The following SMTN variants were observed in gnomAD, a reference collection of about 807,000 sequenced individuals.
SMTN encodes the protein smoothelin.
SMTN carries 58 observed loss-of-function variants against 102.0 expected under a neutral mutation model. The ratio of observed to expected loss-of-function variants is 0.57; its 90% CI spans 0.46 to 0.71. SMTN has a LOEUF of 0.71. Among genes scored for constraint, SMTN ranks in the 30% least tolerant of loss-of-function variants. The probability of loss-of-function intolerance (pLI) is 0.00; values close to 1 mark genes in which losing one functional copy is unlikely to be tolerated. For synonymous variants in SMTN, 478 were observed against 497.9 expected (o/e 0.96, Z 0.53); for missense variants, 1,185 against 1,241.7 (o/e 0.95, Z 0.69).
intron 1 of SMTN, 148 bp from the exon 2 acceptor site, chr22:31,083,031 C>T (rs2042415655): frequency 7.2e-7 from 1 of 1,395,200 alleles, no homozygotes; most frequent in Non-Finnish European, 9.9e-7. Context: ...CACCCTAGGG[C>T]AGAGGGCAGC....
chr22:31,099,190 G>A lies in SMTN; in HGVS notation c.2451+11G>A. Reference sequence around the variant, plus strand: ...ACTCGCGGCTACGAGGTGAGCCCCGGGAGGCCAGGGGGCCTGGAGGCCTCC... The same window carrying A: ...ACTCGCGGCTACGAGGTGAGCCCCGAGAGGCCAGGGGGCCTGGAGGCCTCC... On this transcript the variant is annotated intron_variant, in intron 18 of 20. Coordinates refer to ENST00000333137, the MANE Select transcript of SMTN (RefSeq NM_134269.3). 1 of 1,596,716 alleles carries A rather than the reference G, an allele frequency of 6.3e-7. No homozygotes were observed. The highest frequency in any genetic ancestry group is 8.6e-7 in the Non-Finnish European group (1 of 1,166,860).
At chr22:31,098,209 C>G (rs11702887) in intron 16 of SMTN, among the ~76,000 whole-genome samples, 4,743 of 152,302 alleles carry the variant, frequency 0.031, 112 homozygotes, top group Middle Eastern at 0.092. Flanking sequence ...CCTCTGAAAT[C>G]TTAGGCAAGT....
At chr22:31,098,997 T>C (rs1172503621) in intron 17 of SMTN, 65 bp from the exon 18 acceptor site, 3 of 1,547,358 alleles carry the variant, frequency 1.9e-6, no homozygotes, top group Non-Finnish European at 2.7e-6. Flanking sequence ...TGGGATCCAC[T>C]GGGTGGGCCC....
chr22:31,072,907 C>T (rs1310647494), intron 1 of SMTN, among the ~76,000 whole-genome samples: 2 of 152,024 alleles, frequency 1.3e-5, no homozygotes, highest in African/African-American at 4.8e-5. Context: ...TACAGGCGTG[C>T]GGCACCAGGA....
At position 31,088,535 on chromosome 22, in the gene SMTN, C is replaced by T. The variant is rs2042875710; in HGVS notation, c.223C>T (p.Gln75Ter). The change falls in exon 4 of 21, where the codon CAG becomes TAG. Residue 75 changes from glutamine (Q) to a stop codon, truncating the protein, a stop_gained. Transcript: ENST00000333137. LOFTEE classifies it high-confidence loss of function. Reference sequence around the variant, plus strand: ...CAGCTCTCAGCAGCGGGAAGCTGAGCAGCGGGCTGCCCTGGCACGGCTGGC... The same window carrying T: ...CAGCTCTCAGCAGCGGGAAGCTGAGTAGCGGGCTGCCCTGGCACGGCTGGC... Reference protein sequence around the residue: ...WLHSQQREAEQRAALARLAGQ... With the variant: ...WLHSQQREAE 6.2e-7 allele frequency: 1 copy of T among 1,613,532 alleles called. No individual in the cohort carries two copies. Among genetic ancestry groups the T allele is most frequent in the African/African-American group, 1.3e-5 (1 of 74,914 alleles).
upstream of SMTN, among the ~76,000 whole-genome samples, chr22:31,077,093 T>C (rs564209724): frequency 3.5e-3 from 531 of 152,268 alleles, 3 homozygotes; most frequent in Non-Finnish European, 6.3e-3. Flanking sequence ...AAATGGTGGA[T>C]GGTAGAATAT....
rs2043119664 is a variant in SMTN at position 31,091,355 on chromosome 22, G to A, written c.1332G>A (p.Leu444=). 6.2e-7 allele frequency: 1 copy of A among 1,605,914 alleles called. No homozygotes were observed. The highest frequency in any genetic ancestry group is 8.5e-7 in the Non-Finnish European group (1 of 1,178,434). ...GTTCAGAGGAGCCTGGTGCCCCGCT[G>A]CCCGTGGCCGTCGGCACTGCCGAGC... ...VARSEEPGAP[L]PVAVGTAEPG... is the part of the protein sequence containing the mutation. Residue 444 remains leucine (L), a synonymous_variant, in exon 10 of 21, where the codon CTG becomes CTA. Coordinates refer to ENST00000333137, the MANE Select transcript of SMTN (RefSeq NM_134269.3).
chr22:31,090,097 C>T lies in SMTN; in HGVS notation c.793-11C>T. On this transcript the variant is annotated splice_polypyrimidine_tract_variant and intron_variant, in intron 7 of 20. Transcript: ENST00000333137. ...CAGGCCTTGCTCAGGCCCTGTTCTT[C>T]TCCCTTGCAGCTTCTGTCTGGCCCC... 6.2e-7 allele frequency: 1 copy of T among 1,611,770 alleles called. No individual in the cohort carries two copies. Among genetic ancestry groups the T allele is most frequent in the East Asian group, 2.2e-5 (1 of 44,880 alleles).
At position 31,104,431 on chromosome 22, in the gene SMTN, C is replaced by A; in HGVS notation, c.*136C>A. On this transcript the variant is annotated 3_prime_UTR_variant, in exon 21 of 21. Transcript: ENST00000333137. The stretch of plus-strand genomic sequence containing the variant: ...GCAGTCGCTCTACAACCACCTGCGA[C>A]GCCACGAACTGCGCCTGCGCGGCAA... The A allele has an allele frequency of 6.2e-7, 1 of 1,614,124 alleles. No homozygotes were observed. Among genetic ancestry groups the A allele is most frequent in the South Asian group, 1.1e-5 (1 of 91,078 alleles).
At chr22:31,074,162 C>A (rs544344565) in intron 1 of SMTN, among the ~76,000 whole-genome samples, 1 of 151,668 alleles carries the variant, frequency 6.6e-6, no homozygotes, top group African/African-American at 2.4e-5. Context: ...CTGAGGTGGA[C>A]GGATTACTTG....
At position 31,098,776 on chromosome 22, in the gene SMTN, A is replaced by C. The variant is rs1256175089; in HGVS notation, c.2269A>C (p.Lys757Gln). Reference sequence around the variant, plus strand: ...GCTGATGAAGGCGCAGAGTCTGCCCAAGACCTCAGCCTCCCAGGCGCGCAA... The same window carrying C: ...GCTGATGAAGGCGCAGAGTCTGCCCCAGACCTCAGCCTCCCAGGCGCGCAA... Reference protein sequence around the residue: ...KELMKAQSLPKTSASQARKAM... With the variant: ...KELMKAQSLPQTSASQARKAM... The change falls in exon 17 of 21, where the codon AAG becomes CAG. Residue 757 changes from lysine to glutamine, a missense_variant. Around this residue, in one of 2 missense-constraint regions of SMTN, gnomAD observed 1,096 missense variants for 1,112.7 expected, o/e 0.98. Coordinates refer to ENST00000333137, the MANE Select transcript of SMTN (RefSeq NM_134269.3). 1.2e-6 allele frequency: 2 copies of C among 1,613,232 alleles called. No individual in the cohort carries two copies. Among genetic ancestry groups the C allele is most frequent in the Non-Finnish European group, 8.5e-7 (1 of 1,179,856 alleles).
At chr22:31,075,600 GA>G (rs1397648233) in intron 1 of SMTN, among the ~76,000 whole-genome samples, 2 of 151,640 alleles carry the variant, frequency 1.3e-5, no homozygotes, top group Non-Finnish European at 2.9e-5. Flanking sequence ...AGAATCACTT[GA>G]AGCCGGGAGG....
At chr22:31,088,678 C>T (rs1390407822) in intron 4 of SMTN, 21 bp from the exon 5 acceptor site, 4 of 1,613,584 alleles carry the variant, frequency 2.5e-6, no homozygotes, top group African/African-American at 2.7e-5. Context: ...CCAACACCCG[C>T]GACCTGTCTC....
intron 2 of SMTN, chr22:31,084,980 G>C (rs2042569973): frequency 6.8e-7 from 1 of 1,459,976 alleles, no homozygotes; most frequent in Middle Eastern, 2.5e-4. Context: ...GGCCCGCTCC[G>C]CCCGCCCTGC....
At chr22:31,076,566 G>T (rs187239985), upstream of SMTN, among the ~76,000 whole-genome samples, 19 of 152,330 alleles carry the variant, frequency 1.2e-4, no homozygotes, top group East Asian at 3.7e-3. Flanking sequence ...TGAGTGCATG[G>T]TATGCCATAG....
At position 31,095,726 on chromosome 22, in the gene SMTN, C is replaced by A; in HGVS notation, c.1861+117C>A. The A allele has an allele frequency of 1.2e-6, 1 of 859,708 alleles. No individual in the cohort carries two copies. Among genetic ancestry groups the A allele is most frequent in the South Asian group, 1.6e-5 (1 of 60,876 alleles). 53.3% of individuals were successfully genotyped at this position (859,708 alleles called of 1,614,324 possible). ...TTAATAACTGCCCTACCCAGCTTCT[C>A]CTTCTCTAGACCCAGCAGTTCCCTT... On this transcript the variant is annotated intron_variant, in intron 13 of 20. Transcript: ENST00000333137. The surrounding 1 kb of genome is among the most constrained non-coding windows in gnomAD (Gnocchi z 4.1).
chr22:31,085,585 C>T (rs2042633820), intron 2 of SMTN, among the ~76,000 whole-genome samples: 1 of 152,208 alleles, frequency 6.6e-6, no homozygotes, highest in Admixed American at 6.5e-5. Flanking sequence ...TTTCACTGGG[C>T]AGTTTCGGAA....
Position 31,090,914 on chromosome 22 carries a change from C to T in SMTN, c.937+35C>T, listed in dbSNP as rs139472030. The T allele has an allele frequency of 3.5e-3, 5,590 of 1,613,456 alleles. 100 individuals carry two copies. The highest frequency in any genetic ancestry group is 0.032 in the South Asian group (2,903 of 91,062). The stretch of plus-strand genomic sequence containing the variant: ...ATTCTCACCCTGCCTAGGATCTGTG[C>T]AGACCCTGTCCCACCCAGTTGCTGA... On this transcript the variant is annotated intron_variant, in intron 9 of 20. Coordinates refer to ENST00000333137, the MANE Select transcript of SMTN (RefSeq NM_134269.3).
At chr22:31,089,407 A>G (rs559714529) in intron 6 of SMTN, among the ~76,000 whole-genome samples, 10 of 152,182 alleles carry the variant, frequency 6.6e-5, no homozygotes, top group Non-Finnish European at 1.2e-4. Context: ...CCAGGGATCT[A>G]TTAAGGCTCC....
Sources: gnomAD v4.1 joint callset for allele counts (sites outside exome capture counted in the v4.1 genomes callset) on GRCh38, gnomAD v4.1.1 for gene constraint, gnomAD v4.1.1 regional missense constraint, Gnocchi (gnomAD v3.1) non-coding constraint, MANE v1.5 for transcripts, NCBI Gene and HGNC (gene_info 2026-07-23, HGNC 2026-07-21) for gene names.